Variants in CD8B observed in about 807,000 individuals in gnomAD.
CD8B encodes the protein T-cell surface glycoprotein CD8 beta chain.
In CD8B, 6 loss-of-function variants were observed where a neutral mutation model predicts 24.2. The ratio of observed to expected loss-of-function variants is 0.25; its 90% CI spans 0.14 to 0.49. The LOEUF (loss-of-function observed/expected upper bound fraction) is 0.49. CD8B is among the 20% of genes least tolerant of loss of function. The pLI is 0.98. For synonymous variants in CD8B, 84 were observed against 108.3 expected, an observed-to-expected ratio of 0.78 and a Z score of 1.39; for missense variants, 196 against 271.3, an observed-to-expected ratio of 0.72 and a Z score of 1.95.
rs765031706 is a variant in CD8B at position 86,844,952 on chromosome 2, C to T, written c.590G>A (p.Arg197Gln). ...LGVAIHLCCRRRRARLRFMKQ... is the reference protein window; with the variant it reads ...LGVAIHLCCRQRRARLRFMKQ... ...CATGAAACGAAGCCGGGCTCTCCTC[C>T]GCCGGCCTGGAAGAGGAAAGCAAGG... Residue 197 changes from arginine to glutamine, a missense_variant, in exon 5 of 6, where the codon CGG becomes CAG. Coordinates refer to ENST00000390655, the MANE Select transcript of CD8B (RefSeq NM_004931.5). The T allele has an allele frequency of 7.0e-5, 109 of 1,557,018 alleles. No individual in the cohort carries two copies. The Admixed American group carries it at 1.2e-3, about 17-fold the overall frequency.
At chr2:86,816,253 T>C (rs754081813) in intron 5 of CD8B, among the ~76,000 whole-genome samples, 6 of 152,192 alleles carry the variant, frequency 3.9e-5, no homozygotes, top group Admixed American at 6.5e-5. Context: ...TCATCACAGG[T>C]TGGAAGACAA....
At chr2:86,836,628 A>C (rs1363428264), downstream of CD8B, among the ~76,000 whole-genome samples, 2 of 151,984 alleles carry the variant, frequency 1.3e-5, no homozygotes, top group African/African-American at 4.8e-5. Flanking sequence ...TCTACCAAAA[A>C]TAAAAAAAAA....
chr2:86,825,833 C>T (rs1469627974), intron 5 of CD8B, among the ~76,000 whole-genome samples: 1 of 152,240 alleles, frequency 6.6e-6, no homozygotes, highest in Non-Finnish European at 1.5e-5. Context: ...CTGCCCGCCA[C>T]TCCACTCTTT....
downstream of CD8B, among the ~76,000 whole-genome samples, chr2:86,834,004 A>G (rs978914603): frequency 5.9e-5 from 9 of 152,126 alleles, no homozygotes; most frequent in Non-Finnish European, 1.0e-4. Flanking sequence ...TTGGGTATAG[A>G]TAGACAGCAA....
At chr2:86,850,307 G>T (rs1256818937) in intron 3 of CD8B, among the ~76,000 whole-genome samples, 1 of 152,058 alleles carries the variant, frequency 6.6e-6, no homozygotes, top group Non-Finnish European at 1.5e-5. Context: ...TCTGCACTCT[G>T]CTCCTGAGTC....
intron 5 of CD8B, chr2:86,821,673 T>A: frequency 7.3e-6 from 3 of 411,716 alleles, no homozygotes; most frequent in Non-Finnish European, 1.5e-5. Context: ...TTTAACCCAG[T>A]GTGGACCCCC....
chr2:86,850,907 A>G (rs1237829867), intron 3 of CD8B, among the ~76,000 whole-genome samples: 2 of 152,092 alleles, frequency 1.3e-5, no homozygotes, highest in Non-Finnish European at 1.5e-5. Flanking sequence ...CTTGGCCAAC[A>G]TGGTGAAACC....
intron 2 of CD8B, among the ~76,000 whole-genome samples, chr2:86,853,753 T>C (rs1676091770): frequency 6.6e-6 from 1 of 152,186 alleles, no homozygotes; most frequent in African/African-American, 2.4e-5. Flanking sequence ...TAGCCCAGGC[T>C]GGAGGGCAGT....
chr2:86,854,274 G>A (rs536857712), intron 2 of CD8B, among the ~76,000 whole-genome samples: 6 of 152,232 alleles, frequency 3.9e-5, no homozygotes, highest in African/African-American at 9.6e-5. Flanking sequence ...GAGCCCCTCC[G>A]CCCAACTCGG....
At position 86,826,259 on chromosome 2, in the gene CD8B, C is replaced by T. The variant is rs75218647; in HGVS notation, c.621-10541G>A. The stretch of plus-strand genomic sequence containing the variant: ...CCGTCACCCCTGCCTTTTGTTTAGC[C>T]GGTGACACCTCCCCAGTTGTGTGGC... On this transcript the variant is annotated intron_variant, in intron 5 of 5. Transcript: ENST00000331469. 4.5e-3 allele frequency among the ~76,000 whole-genome samples: 689 copies of T among 152,062 alleles called. 7 individuals are homozygous for T. Among genetic ancestry groups the T allele is most frequent in the African/African-American group, 0.015 (637 of 41,470 alleles).
intron 5 of CD8B, among the ~76,000 whole-genome samples, chr2:86,823,507 T>G (rs1199648848): frequency 1.3e-5 from 2 of 152,136 alleles, no homozygotes; most frequent in African/African-American, 2.4e-5. Context: ...CTCAAACTCC[T>G]AGGCCCAAGG....
downstream of CD8B, among the ~76,000 whole-genome samples, chr2:86,836,887 G>A (rs1675199140): frequency 1.3e-5 from 2 of 152,136 alleles, no homozygotes; most frequent in Non-Finnish European, 2.9e-5. Flanking sequence ...CAGGTGCTGT[G>A]GCTCATTCCT....
intron 5 of CD8B, among the ~76,000 whole-genome samples, chr2:86,843,165 T>G (rs748428856): frequency 2.6e-5 from 4 of 152,208 alleles, no homozygotes; most frequent in African/African-American, 9.6e-5. Flanking sequence ...TGATCTCTGC[T>G]CATTGCAACC....
At chr2:86,834,489 A>ACACACACACACACACACAC (rs1325050004), downstream of CD8B, among the ~76,000 whole-genome samples, 4 of 94,176 alleles carry the variant, frequency 4.2e-5, no homozygotes, top group African/African-American at 1.5e-4. Context: ...CACACACACA[A>ACACACACACACACACACAC]AAGTCTTAAC....
In CD8B at chr2:86,841,791, C is replaced by A. The variant is rs3088385; in HGVS notation, c.*516G>T. 4.1e-6 allele frequency: 4 copies of A among 985,646 alleles called. No individual in the cohort carries two copies. The African/African-American group carries it at 7.0e-5, about 17-fold the overall frequency. The allele number at this position is 985,646 out of a possible 1,614,324, so 61.1% of individuals were successfully genotyped here. ...AAGGAAGCCCTCAGAGACTGATATG[C>A]CTTCTGGGAACTGGACAGCCCCTCT... On this transcript the variant is annotated 3_prime_UTR_variant, in exon 6 of 6. Coordinates refer to ENST00000390655, the MANE Select transcript of CD8B (RefSeq NM_004931.5).
intron 2 of CD8B, among the ~76,000 whole-genome samples, chr2:86,854,805 A>T (rs978777652): frequency 3.6e-5 from 5 of 138,510 alleles, no homozygotes; most frequent in African/African-American, 1.3e-4. Context: ...TCAGGGGGAC[A>T]GAAAAAAAAA....
In CD8B at chr2:86,841,269, G is replaced by A. The variant is rs377369447; in HGVS notation, c.*1038C>T. ...AGAGACATGTGACAGAACCCCTCAT[G>A]CCTCCTACCTTCTGTTTGGTGCCTG... On this transcript the variant is annotated 3_prime_UTR_variant, in exon 6 of 6. Coordinates refer to ENST00000390655, the MANE Select transcript of CD8B (RefSeq NM_004931.5). 4.8e-5 allele frequency among the ~76,000 whole-genome samples: 7 copies of A among 146,772 alleles called. No individual in the cohort carries two copies. Among genetic ancestry groups the A allele is most frequent in the East Asian group, 4.0e-4 (2 of 5,058 alleles).
At chr2:86,834,328 G>A (rs1398951155), downstream of CD8B, among the ~76,000 whole-genome samples, 1 of 151,768 alleles carries the variant, frequency 6.6e-6, no homozygotes, top group African/African-American at 2.4e-5. Flanking sequence ...AGTGACATTT[G>A]TATGCAAATG....
chr2:86,828,600 C>G (rs1558750179), intron 5 of CD8B, among the ~76,000 whole-genome samples: 1 of 151,920 alleles, frequency 6.6e-6, no homozygotes, highest in Non-Finnish European at 1.5e-5. Context: ...ATATTCACAG[C>G]CAATGTGTTA....
Sources: allele counts gnomAD v4.1 joint callset (sites outside exome capture counted in the v4.1 genomes callset), GRCh38; gene constraint gnomAD v4.1.1; transcripts MANE v1.5; gene names NCBI Gene and HGNC (gene_info 2026-07-23, HGNC 2026-07-21).